Variants in HAGH observed in about 807,000 individuals in gnomAD.
The protein encoded by HAGH is hydroxyacylglutathione hydrolase, mitochondrial.
HAGH carries 29 observed loss-of-function variants against 35.1 expected under a neutral mutation model. The ratio of observed to expected loss-of-function variants is 0.83; its 90% confidence interval spans 0.62 to 1.13. HAGH has a LOEUF of 1.13. Ranked by LOEUF, HAGH falls within the 50% of genes most tolerant of loss-of-function variation. HAGH has a pLI of 0.00. For missense variants in HAGH, 478 were observed against 419.6 expected (o/e 1.14, Z -1.22); for synonymous variants, 225 against 176.1 (o/e 1.28, Z -2.20).
chr16:1,813,888 A>C, intron 7 of HAGH, among the ~76,000 whole-genome samples: 1 of 152,344 alleles, frequency 6.6e-6, no homozygotes, highest in Middle Eastern at 3.4e-3. Flanking sequence ...GACCAGAAGC[A>C]GACTCGGGCA....
chr16:1,817,348 G>A (rs1189626427), intron 5 of HAGH, 77 bp from the exon 6 acceptor site: 6 of 930,040 alleles, frequency 6.5e-6, no homozygotes, highest in Non-Finnish European at 1.1e-5. Context: ...CAGGAGCAGG[G>A]TGACACTCAC....
intron 7 of HAGH, among the ~76,000 whole-genome samples, chr16:1,815,382 A>G (rs1239833236): frequency 1.3e-5 from 2 of 152,262 alleles, no homozygotes; most frequent in African/African-American, 2.4e-5. Flanking sequence ...ACAAATGTCC[A>G]TAGCAGCTTT....
At chr16:1,825,485 G>A (rs541189837) in intron 1 of HAGH, among the ~76,000 whole-genome samples, 90 of 152,310 alleles carry the variant, frequency 5.9e-4, no homozygotes, top group African/African-American at 2.0e-3. Context: ...CCGGCTTGCT[G>A]TTTTGTAACT....
Position 1,809,372 on chromosome 16 carries a change from C to CG in HAGH, c.837_838insC (p.Val280ArgfsTer7). On this transcript the variant is annotated frameshift_variant, in exon 9 of 9. Coordinates refer to ENST00000397356, the MANE Select transcript of HAGH (RefSeq NM_005326.6). LOFTEE classifies it high-confidence loss of function. ...TCCGTCTCACCTGCGTGCTGCTGCA[C>CG]CGTCTTCTCCCTGCGGAGGCCAGCA... 6.2e-7 allele frequency: 1 copy of CG among 1,610,870 alleles called. No individual in the cohort carries two copies. Among genetic ancestry groups the CG allele is most frequent in the Non-Finnish European group, 8.5e-7 (1 of 1,179,654 alleles).
chr16:1,824,660 G>A (rs988225496), intron 1 of HAGH, among the ~76,000 whole-genome samples: 5 of 152,190 alleles, frequency 3.3e-5, no homozygotes, highest in African/African-American at 1.2e-4. Context: ...CCAACTGACA[G>A]ACACACGCGT....
At chr16:1,825,507 T>C (rs1368920838) in intron 1 of HAGH, among the ~76,000 whole-genome samples, 1 of 152,160 alleles carries the variant, frequency 6.6e-6, no homozygotes, top group African/African-American at 2.4e-5. Flanking sequence ...TAATACTTTG[T>C]ACAAACAGGT....
At chr16:1,814,500 A>C (rs1897798905) in intron 7 of HAGH, among the ~76,000 whole-genome samples, 1 of 151,760 alleles carries the variant, frequency 6.6e-6, no homozygotes, top group Admixed American at 6.6e-5. Context: ...AAACAAACAA[A>C]AAATAAGTAA....
intron 7 of HAGH, among the ~76,000 whole-genome samples, chr16:1,816,467 A>G (rs1354107277): frequency 1.3e-5 from 2 of 151,998 alleles, no homozygotes; most frequent in African/African-American, 4.8e-5. Flanking sequence ...GGGGAAACAC[A>G]CCCCTGGAGA....
At chr16:1,813,924 G>C (rs1009119914) in intron 7 of HAGH, among the ~76,000 whole-genome samples, 2 of 152,180 alleles carry the variant, frequency 1.3e-5, no homozygotes, top group African/African-American at 2.4e-5. Context: ...TTTCAGAAAG[G>C]TGCCAAGGCA....
chr16:1,813,995 C>T (rs955860828), intron 7 of HAGH, among the ~76,000 whole-genome samples: 7 of 152,158 alleles, frequency 4.6e-5, no homozygotes, highest in Non-Finnish European at 8.8e-5. Context: ...GATCACACTG[C>T]GAGAGGGTGA....
In HAGH at chr16:1,819,102, C is replaced by T. The variant is rs766081817; in HGVS notation, c.541+13G>A. 2.6e-6 allele frequency: 4 copies of T among 1,552,042 alleles called. No homozygotes were observed. In the South Asian group the frequency reaches 4.5e-5, roughly 17 times the overall value. ...CGAAGAACCCCCGCCCCCACCCACACTCGAACACGCACCTGTGAACACGGC... is the reference window on the plus strand; with the variant it reads ...CGAAGAACCCCCGCCCCCACCCACATTCGAACACGCACCTGTGAACACGGC... On this transcript the variant is annotated intron_variant, in intron 5 of 8. Transcript: ENST00000397356.
Position 1,809,331 on chromosome 16 carries a change from C to A in HAGH, c.879G>T (p.Met293Ile), listed in dbSNP as rs1290747472. 1 of 1,613,770 alleles carries A rather than the reference C, an allele frequency of 6.2e-7. No individual in the cohort carries two copies. Among genetic ancestry groups the A allele is most frequent in the Non-Finnish European group, 8.5e-7 (1 of 1,179,918 alleles). Reference protein sequence around the residue: ...HAGETDPVTTMRAVRREKDQF... With the variant: ...HAGETDPVTTIRAVRREKDQF... ...GGTCCTTCTCCCTGCGCACGGCCCGCATGGTGGTCACCGGGTCCGTCTCAC... is the reference window on the plus strand; with the variant it reads ...GGTCCTTCTCCCTGCGCACGGCCCGAATGGTGGTCACCGGGTCCGTCTCAC... The change falls in exon 9 of 9, where the codon ATG becomes ATT. Residue 293 changes from methionine (M) to isoleucine (I), a missense_variant. Met to Ile is a conservative substitution (Grantham distance 10, BLOSUM62 1). Coordinates refer to ENST00000397356, the MANE Select transcript of HAGH (RefSeq NM_005326.6).
At chr16:1,812,790 C>G (rs534373384) in intron 7 of HAGH, among the ~76,000 whole-genome samples, 1 of 152,242 alleles carries the variant, frequency 6.6e-6, no homozygotes, top group Admixed American at 6.5e-5. Flanking sequence ...AACCAGAGGC[C>G]GCAGAATGGG....
At chr16:1,827,001 G>GCGA, upstream of HAGH, 1 of 668,978 alleles carries the variant, frequency 1.5e-6, no homozygotes. Context: ...AGCGGCGGCG[G>GCGA]CGGCCCGAGA....
chr16:1,822,682 G>A (rs887498615), intron 2 of HAGH, among the ~76,000 whole-genome samples, 183 bp downstream of exon 2: 3 of 152,220 alleles, frequency 2.0e-5, no homozygotes, highest in Admixed American at 1.3e-4. Context: ...ACTGCACAGC[G>A]CTTTCTGTGT....
intron 1 of HAGH, chr16:1,826,501 G>C (rs1333530579): frequency 2.1e-6 from 2 of 956,984 alleles, no homozygotes; most frequent in Admixed American, 6.3e-5. Flanking sequence ...GCCTGGCCCT[G>C]CTTACCTAGC....
intron 1 of HAGH, 176 bp downstream of exon 1, chr16:1,826,536 C>A: frequency 1.3e-5 from 13 of 981,972 alleles, no homozygotes; most frequent in Non-Finnish European, 1.6e-5. Flanking sequence ...CGGCCCCGCG[C>A]CCGCTCCGCG....
intron 7 of HAGH, among the ~76,000 whole-genome samples, chr16:1,811,056 A>G (rs1392215476): frequency 1.3e-5 from 2 of 152,234 alleles, no homozygotes; most frequent in African/African-American, 2.4e-5. Context: ...TAGGTTACCT[A>G]TTAAAACGAG....
At position 1,819,913 on chromosome 16, in the gene HAGH, T is replaced by C. The variant is rs769810555; in HGVS notation, c.416A>G (p.His139Arg). The C allele has an allele frequency of 4.4e-6, 7 of 1,606,922 alleles. No individual in the cohort carries two copies. The highest frequency in any genetic ancestry group is 6.0e-6 in the Non-Finnish European group (7 of 1,173,856). The change falls in exon 4 of 9, where the codon CAC (histidine) becomes CGC (arginine). Residue 139 changes from histidine to arginine, a missense_variant. Coordinates refer to ENST00000397356, the MANE Select transcript of HAGH (RefSeq NM_005326.6). ...ACTCCTTACCTGCAGTGTGGACAGG[T>C]GAGTGATCTTGTGAGTCAGGGCCCC... ...RIGALTHKIT[H>R]LSTLQVGSLN...
Sources: allele counts gnomAD v4.1 joint callset (sites outside exome capture counted in the v4.1 genomes callset), GRCh38; gene constraint gnomAD v4.1.1; transcripts MANE v1.5; gene names NCBI Gene and HGNC (gene_info 2026-07-23, HGNC 2026-07-21).